The following ZFPM1 variants were observed in gnomAD, a reference collection of about 807,000 sequenced individuals.
The protein encoded by ZFPM1 is zinc finger protein, FOG family member 1.
In ZFPM1, 28 loss-of-function variants were observed where a neutral mutation model predicts 46.3. The ratio of observed to expected loss-of-function variants is 0.60; its 90% CI spans 0.45 to 0.83. The LOEUF (loss-of-function observed/expected upper bound fraction) is 0.83. Among genes scored for constraint, ZFPM1 ranks in the 40% least tolerant of loss-of-function variants. The probability of loss-of-function intolerance (pLI) is 0.00; values close to 1 mark genes in which losing one functional copy is unlikely to be tolerated. For missense variants in ZFPM1, 1,878 were observed against 1,432.4 expected (o/e 1.31, Z -5.02); for synonymous variants, 957 against 675.9 (o/e 1.42, Z -6.45).
chr16:88,526,162 G>T (rs1567552941), intron 4 of ZFPM1, among the ~76,000 whole-genome samples: 1 of 152,234 alleles, frequency 6.6e-6, no homozygotes, highest in Non-Finnish European at 1.5e-5. Flanking sequence ...TCCACCAGGT[G>T]CTCCCCAGCG....
At chr16:88,517,284 G>GGGTGGATGAGTGGGTGGATGGACA (rs1911388851) in intron 4 of ZFPM1, among the ~76,000 whole-genome samples, 1 of 150,732 alleles carries the variant, frequency 6.6e-6, no homozygotes, top group East Asian at 2.0e-4. Context: ...TTGGAGGGCT[G>GGGTGGATGAGTGGGTGGATGGACA]GGTGGATGAG....
At chr16:88,491,016 C>T (rs966300955) in intron 3 of ZFPM1, among the ~76,000 whole-genome samples, 12 of 151,026 alleles carry the variant, frequency 7.9e-5, no homozygotes, top group Non-Finnish European at 1.3e-4. Context: ...CTGGTGCCTT[C>T]GGGGCTCTCG....
chr16:88,453,613 C>G lies in ZFPM1; in HGVS notation c.-26C>G, dbSNP rs1415007366. ...GCCCGCCCGGGGCTAGAGGCGGCCGCCGGGAGGGCGCGCGGCGCCGGAGAC... is the reference window on the plus strand; with the variant it reads ...GCCCGCCCGGGGCTAGAGGCGGCCGGCGGGAGGGCGCGCGGCGCCGGAGAC... On this transcript the variant is annotated 5_prime_UTR_variant, in exon 1 of 10. Transcript: ENST00000319555. The G allele has an allele frequency of 9.1e-7, 1 of 1,095,356 alleles. No individual in the cohort carries two copies. Among genetic ancestry groups the G allele is most frequent in the African/African-American group, 1.7e-5 (1 of 59,008 alleles). 67.9% of individuals were successfully genotyped at this position (1,095,356 alleles called of 1,614,324 possible).
At chr16:88,500,659 T>G (rs1280849660) in intron 3 of ZFPM1, among the ~76,000 whole-genome samples, 4 of 151,964 alleles carry the variant, frequency 2.6e-5, no homozygotes. Context: ...AACGGCAGAC[T>G]CAGCTTCCAG....
chr16:88,504,671 C>T (rs1206427778), intron 3 of ZFPM1, among the ~76,000 whole-genome samples: 1 of 152,184 alleles, frequency 6.6e-6, no homozygotes, highest in Admixed American at 6.5e-5. Flanking sequence ...TGTACCGTGG[C>T]GCTCTGCCTG....
chr16:88,533,784 C>A lies in ZFPM1; in HGVS notation c.1826C>A (p.Ala609Glu), dbSNP rs753484619. 7.5e-7 allele frequency: 1 copy of A among 1,330,304 alleles called. No individual in the cohort carries two copies. The highest frequency in any genetic ancestry group is 1.6e-5 in the African/African-American group (1 of 62,316). The allele number at this position is 1,330,304 out of a possible 1,614,324, so 82.4% of individuals were successfully genotyped here. The change falls in exon 10 of 10, where the codon GCG (alanine) becomes GAG (glutamate). Residue 609 changes from alanine (A) to glutamate (E), a missense_variant. Ala to Glu is a moderately radical substitution (Grantham distance 107). Coordinates refer to ENST00000319555, the MANE Select transcript of ZFPM1 (RefSeq NM_153813.3). ...TCAGGCCGCCGTGCGCCCGAGGACG[C>A]GCCTGCCGCGCGCAGGCCCAAGGCG... Reference protein sequence around the residue: ...YCSGRRAPEDAPAARRPKAPP... With the variant: ...YCSGRRAPEDEPAARRPKAPP...
intron 2 of ZFPM1, among the ~76,000 whole-genome samples, chr16:88,488,608 T>C (rs932540685): frequency 6.6e-6 from 1 of 151,998 alleles, no homozygotes; most frequent in African/African-American, 2.4e-5. Flanking sequence ...ATCGCATCGA[T>C]CGGGGCCGAG....
intron 1 of ZFPM1, among the ~76,000 whole-genome samples, chr16:88,467,762 C>A (rs1908203739): frequency 6.6e-6 from 1 of 152,164 alleles, no homozygotes; most frequent in African/African-American, 2.4e-5. Flanking sequence ...GAGGCCCCCA[C>A]CCCCTAGTTC....
At position 88,532,657 on chromosome 16, in the gene ZFPM1, C is replaced by A; in HGVS notation, c.990C>A (p.Thr330=). The change falls in exon 8 of 10, where the codon ACC becomes ACA. Residue 330 remains threonine (T), a synonymous_variant. Transcript: ENST00000319555. ...GCCTGATCTGCCTGTCGGCCTTCACCACCAAGGCCAACTGCGAGCGGCACC... is the reference window on the plus strand; with the variant it reads ...GCCTGATCTGCCTGTCGGCCTTCACAACCAAGGCCAACTGCGAGCGGCACC... The part of the protein sequence containing the change: ...FVCLICLSAF[T]TKANCERHLK... 6.3e-7 allele frequency: 1 copy of A among 1,597,596 alleles called. No homozygotes were observed. The highest frequency in any genetic ancestry group is 2.3e-5 in the East Asian group (1 of 43,940).
At chr16:88,522,471 G>C (rs1047517855) in intron 4 of ZFPM1, among the ~76,000 whole-genome samples, 1 of 152,240 alleles carries the variant, frequency 6.6e-6, no homozygotes, top group Non-Finnish European at 1.5e-5. Flanking sequence ...GCTTCTGCAG[G>C]ACCGGCCGTT....
At chr16:88,527,883 C>T (rs1184558923) in intron 5 of ZFPM1, 149 bp from the exon 6 acceptor site, 1 of 723,082 alleles carries the variant, frequency 1.4e-6, no homozygotes, top group Non-Finnish European at 2.1e-6. Context: ...CCCAGCCTTG[C>T]CCCCCAGGCA....
chr16:88,517,516 A>ATGGT lies in ZFPM1; in HGVS notation c.402+3000_402+3003dup, dbSNP rs1911419378. 7.1e-5 allele frequency among the ~76,000 whole-genome samples: 9 copies of ATGGT among 127,512 alleles called. No homozygotes were observed. In the South Asian group the frequency reaches 1.6e-3, roughly 23 times the overall value. 83.7% of individuals were successfully genotyped at this position (127,512 alleles called of 152,430 possible). A position where few individuals can be genotyped will look rare whatever the true frequency, so the allele number is the denominator to read the frequency against. Reference sequence around the variant, plus strand: ...GATGGATGGATGGATGGATGGATGGATGGTTGGATAGGTGGGTGGATGGAT... The same window carrying ATGGT: ...GATGGATGGATGGATGGATGGATGGATGGTTGGTTGGATAGGTGGGTGGATGGAT... On this transcript the variant is annotated intron_variant, in intron 4 of 9. Coordinates refer to ENST00000319555, the MANE Select transcript of ZFPM1 (RefSeq NM_153813.3).
chr16:88,458,670 C>A (rs988717464), intron 1 of ZFPM1, among the ~76,000 whole-genome samples: 3 of 152,232 alleles, frequency 2.0e-5, no homozygotes, highest in Non-Finnish European at 4.4e-5. Context: ...GGACCCGGCC[C>A]GGCCACACTC....
upstream of ZFPM1, among the ~76,000 whole-genome samples, chr16:88,451,929 G>C (rs538088032): frequency 6.6e-6 from 1 of 152,314 alleles, no homozygotes; most frequent in East Asian, 1.9e-4. Flanking sequence ...TCCTGTACCA[G>C]GCTCTGAGGG....
chr16:88,453,818 C>A, intron 1 of ZFPM1, 140 bp downstream of exon 1: 3 of 453,502 alleles, frequency 6.6e-6, no homozygotes, highest in East Asian at 1.4e-4. Flanking sequence ...CGCGCTGTGC[C>A]AAGCGCGCCG....
intron 1 of ZFPM1, 62 bp from the exon 2 acceptor site, chr16:88,485,877 T>A (rs1173132954): frequency 2.0e-6 from 3 of 1,522,174 alleles, no homozygotes; most frequent in Non-Finnish European, 2.7e-6. Flanking sequence ...CCAGGAGGGG[T>A]CAGGAGGCAG....
chr16:88,516,719 CT>C, intron 4 of ZFPM1: 1 of 396,878 alleles, frequency 2.5e-6, no homozygotes, highest in Non-Finnish European at 4.4e-6. Flanking sequence ...TCCCAGTTCT[CT>C]CCCCGACCCC....
intron 3 of ZFPM1, among the ~76,000 whole-genome samples, chr16:88,493,511 C>A (rs1476769350): frequency 6.8e-6 from 1 of 146,274 alleles, no homozygotes; most frequent in Non-Finnish European, 1.5e-5. Flanking sequence ...GGAGAGCTGT[C>A]CCAGGGTGCG....
At chr16:88,455,370 C>T (rs1242561807) in intron 1 of ZFPM1, among the ~76,000 whole-genome samples, 1 of 152,070 alleles carries the variant, frequency 6.6e-6, no homozygotes, top group Non-Finnish European at 1.5e-5. Context: ...ATCCTCGTTG[C>T]GGCCCGGGAC....
Sources: gnomAD v4.1 joint callset for allele counts (sites outside exome capture counted in the v4.1 genomes callset) on GRCh38, gnomAD v4.1.1 for gene constraint, MANE v1.5 for transcripts, NCBI Gene and HGNC (gene_info 2026-07-23, HGNC 2026-07-21) for gene names.